Variants in TUT7 observed in about 807,000 individuals in gnomAD.
The protein encoded by TUT7 is terminal uridylyltransferase 7.
Under a neutral mutation model 165.9 loss-of-function variants are expected in TUT7, and 33 were observed. The observed-to-expected ratio is 0.20, with a 90% CI of 0.15 to 0.27. TUT7 has a LOEUF of 0.27. Among genes scored for constraint, TUT7 ranks in the 10% least tolerant of loss-of-function variants. TUT7 has a pLI of 1.00. For missense variants in TUT7, 1,338 were observed against 1,762.3 expected (o/e 0.76, Z 4.31); for synonymous variants, 552 against 608.1 (o/e 0.91, Z 1.36).
At chr9:86,334,622 A>C (rs1830607455) in intron 10 of TUT7, among the ~76,000 whole-genome samples, 1 of 152,056 alleles carries the variant, frequency 6.6e-6, no homozygotes, top group African/African-American at 2.4e-5. Context: ...CCGTTTGTTC[A>C]GTTTTTTTTC....
chr9:86,338,431 A>G (rs1831024400), intron 9 of TUT7, among the ~76,000 whole-genome samples: 2 of 152,184 alleles, frequency 1.3e-5, no homozygotes, highest in African/African-American at 4.8e-5. Context: ...AAATGTAAAC[A>G]AGATCAGAGA....
intron 2 of TUT7, 84 bp from the exon 3 acceptor site, chr9:86,346,564 C>G: frequency 2.2e-6 from 3 of 1,344,602 alleles, no homozygotes; most frequent in Non-Finnish European, 3.1e-6. Flanking sequence ...TGTATTAAAT[C>G]ATGTGAGAGA....
At chr9:86,308,098 G>C (rs139692024) in intron 22 of TUT7, among the ~76,000 whole-genome samples, 25 of 152,246 alleles carry the variant, frequency 1.6e-4, no homozygotes, top group African/African-American at 5.8e-4. Context: ...AGCGAATGAA[G>C]ATCTTGAAAA....
intron 10 of TUT7, among the ~76,000 whole-genome samples, chr9:86,331,472 GT>G (rs1830308884): frequency 1.3e-5 from 2 of 152,128 alleles, no homozygotes; most frequent in African/African-American, 4.8e-5. Context: ...TTGTCTGATG[GT>G]AGAATATATT....
chr9:86,309,620 T>C, intron 19 of TUT7, 44 bp from the exon 20 acceptor site: 1 of 1,437,332 alleles, frequency 7.0e-7, no homozygotes, highest in Non-Finnish European at 9.7e-7. Flanking sequence ...GTCTGTTTTC[T>C]GCTAACTTTG....
intron 5 of TUT7, among the ~76,000 whole-genome samples, chr9:86,344,009 A>C (rs1323403985): frequency 6.6e-6 from 1 of 152,252 alleles, no homozygotes; most frequent in Non-Finnish European, 1.5e-5. Flanking sequence ...CATCAGAATT[A>C]CAACTGACTT....
In TUT7 at chr9:86,323,700, T is replaced by C. The variant is rs767584897; in HGVS notation, c.2050A>G (p.Ser684Gly). 1 of 1,613,986 alleles carries C rather than the reference T, an allele frequency of 6.2e-7. No individual in the cohort carries two copies. Among genetic ancestry groups the C allele is most frequent in the Non-Finnish European group, 8.5e-7 (1 of 1,179,880 alleles). Residue 684 changes from serine to glycine, a missense_variant, in exon 13 of 27, where the codon AGT becomes GGT. Transcript: ENST00000375963. ...SVLAQGPGAT[S>G]SAANTCKVQP... ...ACCTTACAGGTATTTGCAGCTGAAC[T>C]GGTAGCACCAGGACCTTGGGCCAAA...
At chr9:86,338,673 C>T in intron 9 of TUT7, 150 bp downstream of exon 9, 2 of 738,626 alleles carry the variant, frequency 2.7e-6, no homozygotes, top group Non-Finnish European at 3.9e-6. Flanking sequence ...AATCTTCCGT[C>T]TGTACGTTTC....
intron 12 of TUT7, 122 bp from the exon 13 acceptor site, chr9:86,324,082 C>T: frequency 1.1e-6 from 1 of 929,852 alleles, no homozygotes; most frequent in Non-Finnish European, 1.5e-6. Flanking sequence ...ATTTATCTTG[C>T]ATTTTATAGA....
intron 10 of TUT7, among the ~76,000 whole-genome samples, chr9:86,333,637 T>A (rs1374273259): frequency 1.3e-5 from 2 of 152,240 alleles, no homozygotes; most frequent in Non-Finnish European, 1.5e-5. Context: ...ATTTTTTCCA[T>A]TACAGCTTTT....
chr9:86,352,544 T>C (rs777451167), intron 2 of TUT7, 136 bp downstream of exon 2: 4 of 987,488 alleles, frequency 4.1e-6, no homozygotes, highest in East Asian at 2.4e-5. Flanking sequence ...ATAATCACAC[T>C]AAGTGACCAT....
At chr9:86,297,612 G>A (rs1826446492) in intron 26 of TUT7, among the ~76,000 whole-genome samples, 1 of 152,110 alleles carries the variant, frequency 6.6e-6, no homozygotes, top group African/African-American at 2.4e-5. Flanking sequence ...AGGATCACAT[G>A]AGGCCAGGAG....
chr9:86,323,051 C>G lies in TUT7; in HGVS notation c.2699G>C (p.Gly900Ala), dbSNP rs772267345. The G allele has an allele frequency of 6.2e-6, 10 of 1,614,066 alleles. No individual in the cohort carries two copies. The highest frequency in any genetic ancestry group is 8.5e-6 in the Non-Finnish European group (10 of 1,180,034). Residue 900 changes from glycine (G) to alanine (A), a missense_variant, in exon 13 of 27, where the codon GGC (glycine) becomes GCC (alanine). Transcript: ENST00000375963. Reference sequence around the variant, plus strand: ...CACGTCTTCATACTTAGCAGCTTCGCCTAACTCATCATCCTCTTCAGATAG... The same window carrying G: ...CACGTCTTCATACTTAGCAGCTTCGGCTAACTCATCATCCTCTTCAGATAG... ...DALSEEDDEL[G>A]EAAKYEDVKE...
intron 17 of TUT7, among the ~76,000 whole-genome samples, chr9:86,316,806 T>C (rs1477062995): frequency 6.6e-6 from 1 of 152,130 alleles, no homozygotes; most frequent in Admixed American, 6.6e-5. Flanking sequence ...CTAAATACAA[T>C]TGGCCTTTCA....
At chr9:86,330,901 G>T (rs1255385696) in intron 10 of TUT7, among the ~76,000 whole-genome samples, 4 of 150,492 alleles carry the variant, frequency 2.7e-5, no homozygotes, top group African/African-American at 9.8e-5. Context: ...TTGAGATGGG[G>T]TCTTGCTCTG....
chr9:86,298,883 C>T, intron 26 of TUT7: 1 of 909,730 alleles, frequency 1.1e-6, no homozygotes, highest in Non-Finnish European at 1.3e-6. Flanking sequence ...GCATCTGAAA[C>T]AGCCTTAAAA....
chr9:86,327,142 C>A (rs985628295), intron 11 of TUT7, among the ~76,000 whole-genome samples: 1 of 152,094 alleles, frequency 6.6e-6, no homozygotes, highest in Non-Finnish European at 1.5e-5. Context: ...CACAAATAAA[C>A]CCCCCAGAAA....
chr9:86,309,315 T>C, intron 20 of TUT7, 26 bp from the exon 21 acceptor site: 2 of 1,478,824 alleles, frequency 1.4e-6, no homozygotes, highest in Non-Finnish European at 1.9e-6. Context: ...AAACTATTAG[T>C]ATGGATTACA....
intron 17 of TUT7, 44 bp from the exon 18 acceptor site, chr9:86,310,853 G>T: frequency 8.9e-7 from 1 of 1,128,172 alleles, no homozygotes; most frequent in Non-Finnish European, 1.4e-6. Flanking sequence ...CAGCAGCTGG[G>T]GATATAAGTA....
Sources: allele counts gnomAD v4.1 joint callset (sites outside exome capture counted in the v4.1 genomes callset), GRCh38; gene constraint gnomAD v4.1.1; transcripts MANE v1.5; gene names NCBI Gene and HGNC (gene_info 2026-07-23, HGNC 2026-07-21).